The following FDFT1 variants were observed in gnomAD, a reference collection of about 807,000 sequenced individuals.
FDFT1 encodes farnesyl-diphosphate farnesyltransferase 1.
FDFT1 carries 68 observed loss-of-function variants against 46.8 expected under a neutral mutation model. The ratio of observed to expected loss-of-function variants is 1.45; its 90% CI spans 1.19 to 1.78. The LOEUF is 1.78. FDFT1 is among the 40% of genes most tolerant of loss of function. FDFT1 has a pLI of 0.00. For synonymous variants in FDFT1, 351 were observed against 185.1 expected, an observed-to-expected ratio of 1.90 and a Z score of -7.28; for missense variants, 928 against 524.4, an observed-to-expected ratio of 1.77 and a Z score of -7.52.
chr8:11,831,237 T>G (rs746392769), intron 6 of FDFT1, among the ~76,000 whole-genome samples: 9 of 152,224 alleles, frequency 5.9e-5, no homozygotes, highest in African/African-American at 7.2e-5. Flanking sequence ...AATGTTGGAT[T>G]TACTTGTGTT....
chr8:11,801,085 G>C (rs1014807812), upstream of FDFT1, among the ~76,000 whole-genome samples: 3 of 152,186 alleles, frequency 2.0e-5, no homozygotes, highest in Non-Finnish European at 2.9e-5. Context: ...GTCTAGATGA[G>C]GTGTGAGCAG....
chr8:11,810,933 T>TA (rs71539744), intron 3 of FDFT1, among the ~76,000 whole-genome samples: 1,724 of 89,412 alleles, frequency 0.019, 26 homozygotes, highest in African/African-American at 0.026. Flanking sequence ...GAGCAATATT[T>TA]AAAAAAAAAA....
upstream of FDFT1, among the ~76,000 whole-genome samples, chr8:11,800,974 A>C (rs1238905990): frequency 6.6e-6 from 1 of 152,172 alleles, no homozygotes; most frequent in Non-Finnish European, 1.5e-5. Flanking sequence ...TCTGTAATCT[A>C]ATACATAAGT....
At chr8:11,822,212 T>G (rs1302636998) in intron 4 of FDFT1, among the ~76,000 whole-genome samples, 1 of 152,234 alleles carries the variant, frequency 6.6e-6, no homozygotes, top group Admixed American at 6.5e-5. Flanking sequence ...GAATGGTGTT[T>G]GTGAGACTTA....
chr8:11,832,250 CTAGGTT>C (rs144846745), intron 7 of FDFT1, among the ~76,000 whole-genome samples: 26,027 of 151,886 alleles, frequency 0.17, 2,514 homozygotes, highest in African/African-American at 0.26. Context: ...TAATATTTGA[CTAGGTT>C]CAAAAAGTTT....
At position 11,802,915 on chromosome 8, in the gene FDFT1, T is replaced by C; in HGVS notation, c.83T>C (p.Met28Thr). The change falls in exon 1 of 8, where the codon ATG (methionine) becomes ACG (threonine). Residue 28 changes from methionine (M) to threonine (T), a missense_variant. Physicochemically the swap from Met to Thr is moderately conservative, Grantham distance 81. Coordinates refer to ENST00000220584, the MANE Select transcript of FDFT1 (RefSeq NM_004462.5). ...CGGATCGGGGGCAAGCGGAAGGTGA[T>C]GCCCAAGATGGACCAGGTGGGCCGA... is the stretch of plus-strand genomic sequence containing the variant. ...RFRIGGKRKVMPKMDQDSLSS... is the reference protein window; with the variant it reads ...RFRIGGKRKVTPKMDQDSLSS... The C allele has an allele frequency of 6.2e-7, 1 of 1,609,632 alleles. No individual in the cohort carries two copies. The highest frequency in any genetic ancestry group is 1.1e-5 in the South Asian group (1 of 90,180).
At chr8:11,835,076 A>T (rs991777132) in intron 7 of FDFT1, among the ~76,000 whole-genome samples, 2 of 152,172 alleles carry the variant, frequency 1.3e-5, no homozygotes, top group Non-Finnish European at 2.9e-5. Flanking sequence ...GTGAGCTGAG[A>T]TGGCACCACT....
intron 3 of FDFT1, among the ~76,000 whole-genome samples, chr8:11,812,018 A>G (rs1807784089): frequency 6.6e-6 from 1 of 152,200 alleles, no homozygotes; most frequent in African/African-American, 2.4e-5. Flanking sequence ...TTTGGCTAAG[A>G]GGTCCCAGGA....
At position 11,809,989 on chromosome 8, in the gene FDFT1, G is replaced by A. The variant is rs1168870203; in HGVS notation, c.381+139G>A. 6.4e-6 allele frequency: 4 copies of A among 620,420 alleles called. No homozygotes were observed. In the Admixed American group the frequency reaches 1.4e-4, roughly 21 times the overall value. The allele number at this position is 620,420 out of a possible 1,614,324, so 38.4% of individuals were successfully genotyped here. On this transcript the variant is annotated intron_variant, in intron 3 of 7. Coordinates refer to ENST00000220584, the MANE Select transcript of FDFT1 (RefSeq NM_004462.5). ...CATAATGTGAGGGTTAAAAACTCCG[G>A]TAGCCAAGACTCTGAAGCCAGGCTG...
At chr8:11,797,660 AG>A (rs1320276097), upstream of FDFT1, among the ~76,000 whole-genome samples, 62 of 147,322 alleles carry the variant, frequency 4.2e-4, no homozygotes, top group East Asian at 1.3e-3. Context: ...AAAAAAAAAA[AG>A]AAACAAACAA....
chr8:11,831,773 C>T, intron 7 of FDFT1, 103 bp downstream of exon 7: 7 of 987,662 alleles, frequency 7.1e-6, no homozygotes, highest in Admixed American at 1.8e-5. Context: ...TAACAATTCA[C>T]TATCCTGTGG....
intron 1 of FDFT1, among the ~76,000 whole-genome samples, chr8:11,807,476 G>T (rs1466399985): frequency 6.6e-6 from 1 of 152,188 alleles, no homozygotes; most frequent in Non-Finnish European, 1.5e-5. Flanking sequence ...TTGGATAAAT[G>T]ATTCCAGTCT....
At chr8:11,805,899 G>C (rs772876230) in intron 1 of FDFT1, among the ~76,000 whole-genome samples, 1 of 152,156 alleles carries the variant, frequency 6.6e-6, no homozygotes, top group Non-Finnish European at 1.5e-5. Flanking sequence ...GACCTTAAAG[G>C]GTTGATTGAG....
At chr8:11,837,125 G>A (rs905724237) in intron 7 of FDFT1, among the ~76,000 whole-genome samples, 1 of 152,276 alleles carries the variant, frequency 6.6e-6, no homozygotes, top group South Asian at 2.1e-4. Context: ...GGAGCCAGTT[G>A]AAGGGACGTG....
At chr8:11,816,715 A>AT (rs1808503707) in intron 3 of FDFT1, among the ~76,000 whole-genome samples, 1 of 152,094 alleles carries the variant, frequency 6.6e-6, no homozygotes, top group African/African-American at 2.4e-5. Context: ...TTGCACATTG[A>AT]TTTTGTATCC....
exon 1 of FDFT1, chr8:11,796,005 C>G (rs967948583): frequency 6.6e-6 from 1 of 152,222 alleles, no homozygotes; most frequent in Non-Finnish European, 1.5e-5. Flanking sequence ...ACTCGACAGA[C>G]TCTAAGGTGA....
At chr8:11,822,989 C>A (rs781128137) in intron 4 of FDFT1, among the ~76,000 whole-genome samples, 6 of 152,124 alleles carry the variant, frequency 3.9e-5, no homozygotes, top group Non-Finnish European at 1.5e-5. Flanking sequence ...CAGGGTCTTG[C>A]TGTTATCCAG....
chr8:11,831,946 T>C lies in FDFT1; in HGVS notation c.1032+276T>C, dbSNP rs545291062. On this transcript the variant is annotated intron_variant, in intron 7 of 7. Transcript: ENST00000220584. The stretch of plus-strand genomic sequence containing the variant: ...GAATCATAGATTTTGAGCTGCAAGA[T>C]GATGCAGGAGGCCAACCAAGCTTCT... Among the ~76,000 whole-genome samples the C allele has an allele frequency of 2.6e-5, 4 of 152,300 alleles. No homozygotes were observed. In the East Asian group the frequency reaches 7.7e-4, roughly 29 times the overall value.
intron 3 of FDFT1, among the ~76,000 whole-genome samples, chr8:11,811,782 T>A (rs2130743848): frequency 6.6e-6 from 1 of 152,356 alleles, no homozygotes; most frequent in Admixed American, 6.5e-5. Flanking sequence ...TTGTTCACCT[T>A]TTGTATCCTT....
Sources: gnomAD v4.1 joint callset for allele counts (sites outside exome capture counted in the v4.1 genomes callset) on GRCh38, gnomAD v4.1.1 for gene constraint, MANE v1.5 for transcripts, NCBI Gene and HGNC (gene_info 2026-07-23, HGNC 2026-07-21) for gene names.